The following HS6ST3 variants were observed in gnomAD, a reference collection of about 807,000 sequenced individuals.
The protein encoded by HS6ST3 is heparan sulfate 6-O-sulfotransferase 3.
A neutral mutation model predicts 36.7 loss-of-function variants in HS6ST3; 12 were observed. The ratio of observed to expected loss-of-function variants is 0.33; its 90% CI spans 0.21 to 0.53. The LOEUF is 0.53. Among genes scored for constraint, HS6ST3 ranks in the 20% least tolerant of loss-of-function variants. The pLI is 0.95. For synonymous variants in HS6ST3, 240 were observed against 257.5 expected, an observed-to-expected ratio of 0.93 and a Z score of 0.65; for missense variants, 584 against 640.9, an observed-to-expected ratio of 0.91 and a Z score of 0.96.
chr13:96,105,569 G>A (rs1028379333), intron 1 of HS6ST3, among the ~76,000 whole-genome samples: 6 of 152,136 alleles, frequency 3.9e-5, no homozygotes, highest in Non-Finnish European at 7.4e-5. Flanking sequence ...ATAATCATTT[G>A]AGCCCGGGAG....
At chr13:96,217,252 A>T (rs906240528) in intron 1 of HS6ST3, among the ~76,000 whole-genome samples, 4 of 152,184 alleles carry the variant, frequency 2.6e-5, no homozygotes, top group African/African-American at 9.7e-5. Context: ...TATTTCTCAT[A>T]TCCAATCCAA....
At chr13:96,371,012 A>G (rs1186760292) in intron 1 of HS6ST3, among the ~76,000 whole-genome samples, 1 of 152,224 alleles carries the variant, frequency 6.6e-6, no homozygotes, top group Non-Finnish European at 1.5e-5. Context: ...ATAAATAATT[A>G]TGTTATTTTA....
At chr13:96,680,245 A>G (rs1405312930) in intron 1 of HS6ST3, among the ~76,000 whole-genome samples, 1 of 152,060 alleles carries the variant, frequency 6.6e-6, no homozygotes, top group Non-Finnish European at 1.5e-5. Flanking sequence ...CTAGGATCCT[A>G]GCCTTGTCAC....
intron 1 of HS6ST3, among the ~76,000 whole-genome samples, chr13:96,731,746 C>G (rs1275315815): frequency 6.6e-6 from 1 of 151,980 alleles, no homozygotes; most frequent in Non-Finnish European, 1.5e-5. Flanking sequence ...GCAGCCTTCC[C>G]CCTGGCTCAG....
intron 1 of HS6ST3, among the ~76,000 whole-genome samples, chr13:96,223,362 C>T (rs765198305): frequency 2.0e-4 from 30 of 152,204 alleles, no homozygotes; most frequent in Non-Finnish European, 3.5e-4. Context: ...TTGGTCAGCA[C>T]AGCCCCCAGA....
intron 1 of HS6ST3, among the ~76,000 whole-genome samples, chr13:96,799,958 A>ATGTGTG (rs746217603): frequency 1.1e-4 from 10 of 92,536 alleles, no homozygotes; most frequent in East Asian, 2.7e-4. Context: ...ATATATATAT[A>ATGTGTG]TATATGTGTA....
intron 1 of HS6ST3, among the ~76,000 whole-genome samples, chr13:96,147,694 A>G (rs552142319): frequency 6.2e-4 from 95 of 152,214 alleles, no homozygotes; most frequent in Non-Finnish European, 7.8e-4. Flanking sequence ...TGTCCTGTCC[A>G]GGGCTGGTTC....
At chr13:96,764,297 C>G (rs1877042040) in intron 1 of HS6ST3, among the ~76,000 whole-genome samples, 1 of 152,094 alleles carries the variant, frequency 6.6e-6, no homozygotes, top group African/African-American at 2.4e-5. Context: ...GTCTTATTAA[C>G]TAGAGAGGGA....
At chr13:96,248,141 A>G (rs141248000) in intron 1 of HS6ST3, among the ~76,000 whole-genome samples, 58 of 152,338 alleles carry the variant, frequency 3.8e-4, no homozygotes, top group African/African-American at 1.4e-3. Context: ...AGATTTGCAG[A>G]CATTTTAACC....
At chr13:96,580,483 A>C (rs2056337984) in intron 1 of HS6ST3, among the ~76,000 whole-genome samples, 1 of 151,828 alleles carries the variant, frequency 6.6e-6, no homozygotes, top group Middle Eastern at 3.4e-3. Context: ...TCCTGACAAC[A>C]CATCAAGAGG....
chr13:96,788,661 C>G (rs1407378080), intron 1 of HS6ST3, among the ~76,000 whole-genome samples: 1 of 151,774 alleles, frequency 6.6e-6, no homozygotes, highest in Non-Finnish European at 1.5e-5. Context: ...GCCTGTTTTT[C>G]CTTTCAGTTA....
intron 1 of HS6ST3, among the ~76,000 whole-genome samples, chr13:96,596,649 G>A (rs539499369): frequency 3.3e-5 from 5 of 151,842 alleles, no homozygotes; most frequent in South Asian, 2.1e-4. Context: ...TTTAATAATG[G>A]CCATTATGCT....
At chr13:96,415,464 CT>C (rs752061877) in intron 1 of HS6ST3, among the ~76,000 whole-genome samples, 22 of 152,172 alleles carry the variant, frequency 1.4e-4, no homozygotes, top group Non-Finnish European at 3.1e-4. Flanking sequence ...ATAAAGTGCT[CT>C]TTTTTATTTG....
intron 1 of HS6ST3, among the ~76,000 whole-genome samples, chr13:96,244,644 C>T (rs1311475024): frequency 6.6e-6 from 1 of 152,168 alleles, no homozygotes; most frequent in East Asian, 1.9e-4. Context: ...CTGTTTTCTT[C>T]ACCTAGTTCT....
chr13:96,105,209 T>C (rs961073592), intron 1 of HS6ST3, among the ~76,000 whole-genome samples: 6 of 152,052 alleles, frequency 3.9e-5, no homozygotes, highest in Non-Finnish European at 8.8e-5. Context: ...GTGGATTGAT[T>C]TGAGAGATTG....
intron 1 of HS6ST3, among the ~76,000 whole-genome samples, chr13:96,778,369 T>C (rs952514969): frequency 6.6e-6 from 1 of 152,008 alleles, no homozygotes; most frequent in Non-Finnish European, 1.5e-5. Flanking sequence ...AAAGAAACTA[T>C]CATCAGAGTG....
intron 1 of HS6ST3, among the ~76,000 whole-genome samples, chr13:96,116,117 G>A (rs1238551582): frequency 6.6e-6 from 1 of 152,158 alleles, no homozygotes; most frequent in African/African-American, 2.4e-5. Context: ...CAAGACAATA[G>A]AACAACAGGT....
chr13:96,318,868 T>C (rs1300401502), intron 1 of HS6ST3, among the ~76,000 whole-genome samples: 2 of 152,188 alleles, frequency 1.3e-5, no homozygotes, highest in East Asian at 3.9e-4. Flanking sequence ...GTTCTAACAA[T>C]GACATTGAAA....
chr13:96,154,214 T>G (rs1271122192), intron 1 of HS6ST3, among the ~76,000 whole-genome samples: 1 of 152,146 alleles, frequency 6.6e-6, no homozygotes, highest in Non-Finnish European at 1.5e-5. Flanking sequence ...GGCAGACTCA[T>G]CAGTTTTATT....
Sources: allele counts gnomAD v4.1 joint callset (sites outside exome capture counted in the v4.1 genomes callset), GRCh38; gene constraint gnomAD v4.1.1; transcripts MANE v1.5; gene names NCBI Gene and HGNC (gene_info 2026-07-23, HGNC 2026-07-21).